The following ARHGAP32 variants were observed in gnomAD, a reference collection of about 807,000 sequenced individuals.
The protein encoded by ARHGAP32 is rho GTPase-activating protein 32.
In ARHGAP32, 51 loss-of-function variants were observed where a neutral mutation model predicts 186.5. The observed-to-expected ratio is 0.27, with a 90% CI of 0.22 to 0.35. The LOEUF (loss-of-function observed/expected upper bound fraction) is 0.35. Among genes scored for constraint, ARHGAP32 ranks in the 10% least tolerant of loss-of-function variants. The pLI, the probability that ARHGAP32 is intolerant of heterozygous loss-of-function variation, is 1.00. For synonymous variants in ARHGAP32, 950 were observed against 964.3 expected (o/e 0.99, Z 0.27); for missense variants, 2,186 against 2,623.5 (o/e 0.83, Z 3.64).
At position 128,968,391 on chromosome 11, in the gene ARHGAP32, C is replaced by T. The variant is rs1006118549; in HGVS notation, c.*516G>A. ...ATCAGGGATTTTTCCACGACTCTAA[C>T]TGAACACAAGATCCTTCTCAGACGG... On this transcript the variant is annotated 3_prime_UTR_variant, in exon 23 of 23. Transcript: ENST00000682385. 1.3e-5 allele frequency: 2 copies of T among 152,234 alleles called. No homozygotes were observed. Among genetic ancestry groups the T allele is most frequent in the South Asian group, 4.1e-4 (2 of 4,824 alleles). The allele number at this position is 152,234 out of a possible 1,614,324, so 9.4% of individuals were successfully genotyped here. A position where few individuals can be genotyped will look rare whatever the true frequency, so the allele number is the denominator to read the frequency against.
rs543783969 is a variant in ARHGAP32, at chr11:129,044,773, C to A, written c.964-3764G>T. 7.5e-4 allele frequency among the ~76,000 whole-genome samples: 114 copies of A among 152,230 alleles called. 3 individuals carry two copies. Among genetic ancestry groups the A allele is most frequent in the Admixed American group, 3.8e-3 (58 of 15,288 alleles). On this transcript the variant is annotated intron_variant, in intron 10 of 22. Transcript: ENST00000682385. ...AGGTTCTGTGATCTATGGCAAACTG[C>A]TTAACATCTCTGTCTTAGTTTCCTA...
chr11:129,221,634 G>A (rs1458897938), intron 1 of ARHGAP32, among the ~76,000 whole-genome samples: 1 of 151,322 alleles, frequency 6.6e-6, no homozygotes, highest in Admixed American at 6.6e-5. Flanking sequence ...ATCCTGCAAT[G>A]GTGAATACTG....
At chr11:129,024,894 T>C (rs1475600057) in intron 11 of ARHGAP32, among the ~76,000 whole-genome samples, 1 of 152,222 alleles carries the variant, frequency 6.6e-6, no homozygotes, top group African/African-American at 2.4e-5. Flanking sequence ...ATTAGTTATT[T>C]GCATAAATAC....
chr11:129,165,681 T>G (rs1943624446), intron 1 of ARHGAP32, among the ~76,000 whole-genome samples: 1 of 150,874 alleles, frequency 6.6e-6, no homozygotes, highest in African/African-American at 2.4e-5. Context: ...AGAAAGAGAC[T>G]TTAAAATGGC....
At chr11:129,049,331 T>C (rs1939943412) in intron 10 of ARHGAP32, among the ~76,000 whole-genome samples, 2 of 152,190 alleles carry the variant, frequency 1.3e-5, no homozygotes, top group African/African-American at 4.8e-5. Flanking sequence ...CTGGATTGGA[T>C]GCATGAACAA....
At chr11:129,113,059 A>G (rs1942271351) in intron 5 of ARHGAP32, among the ~76,000 whole-genome samples, 2 of 152,116 alleles carry the variant, frequency 1.3e-5, no homozygotes, top group South Asian at 4.1e-4. Flanking sequence ...CAAGCAATTT[A>G]CCTCTTATTA....
intron 2 of ARHGAP32, among the ~76,000 whole-genome samples, chr11:129,157,786 A>G (rs1003029303): frequency 8.5e-5 from 13 of 152,272 alleles, no homozygotes; most frequent in Non-Finnish European, 1.9e-4. Context: ...TGTCAGATAC[A>G]CCAAGGTTGA....
At chr11:129,155,914 C>T (rs1305570315) in intron 2 of ARHGAP32, among the ~76,000 whole-genome samples, 1 of 152,154 alleles carries the variant, frequency 6.6e-6, no homozygotes, top group African/African-American at 2.4e-5. Context: ...GTGAGTGCAG[C>T]CCATGGAAGG....
At chr11:129,115,553 T>C (rs1180759984) in intron 5 of ARHGAP32, among the ~76,000 whole-genome samples, 2 of 152,096 alleles carry the variant, frequency 1.3e-5, no homozygotes, top group African/African-American at 4.8e-5. Flanking sequence ...GAAGAATACA[T>C]GGAAAATGAG....
chr11:129,196,434 A>G (rs755693389), upstream of ARHGAP32, among the ~76,000 whole-genome samples: 6 of 152,228 alleles, frequency 3.9e-5, no homozygotes, highest in Non-Finnish European at 5.9e-5. Context: ...GATAGTTATT[A>G]TAAGTGATCT....
intron 1 of ARHGAP32, among the ~76,000 whole-genome samples, chr11:129,187,363 G>A (rs1224160382): frequency 6.6e-6 from 1 of 151,240 alleles, no homozygotes; most frequent in Non-Finnish European, 1.5e-5. Flanking sequence ...GTTACCAGAG[G>A]CTGGGAAGGG....
At chr11:129,137,412 T>C (rs564130648) in intron 2 of ARHGAP32, among the ~76,000 whole-genome samples, 1 of 151,844 alleles carries the variant, frequency 6.6e-6, no homozygotes, top group African/African-American at 2.4e-5. Flanking sequence ...GAAAGGGCAA[T>C]CCCTAAGATC....
At chr11:129,156,434 G>A (rs1316921834) in intron 2 of ARHGAP32, among the ~76,000 whole-genome samples, 1 of 152,168 alleles carries the variant, frequency 6.6e-6, no homozygotes, top group African/African-American at 2.4e-5. Flanking sequence ...ACCGAGGCTT[G>A]AACAGGCAAT....
intron 2 of ARHGAP32, among the ~76,000 whole-genome samples, chr11:129,133,618 C>T (rs1342133880): frequency 2.0e-5 from 3 of 152,152 alleles, no homozygotes; most frequent in Non-Finnish European, 4.4e-5. Context: ...AACGTCTATA[C>T]AATTCGGAAA....
chr11:129,049,795 T>C (rs549620647), intron 10 of ARHGAP32, among the ~76,000 whole-genome samples: 2 of 152,312 alleles, frequency 1.3e-5, no homozygotes, highest in East Asian at 3.9e-4. Flanking sequence ...GATATTAGGG[T>C]CGTTTCCAGT....
intron 8 of ARHGAP32, 102 bp from the exon 9 acceptor site, chr11:129,064,126 C>A (rs1940607541): frequency 2.9e-6 from 3 of 1,034,378 alleles, no homozygotes; most frequent in South Asian, 4.4e-5. Flanking sequence ...GATACAATAA[C>A]CCAAAGAGTC....
chr11:129,048,327 TAAG>T (rs1939896404), intron 10 of ARHGAP32, among the ~76,000 whole-genome samples: 1 of 152,064 alleles, frequency 6.6e-6, no homozygotes, highest in Non-Finnish European at 1.5e-5. Flanking sequence ...GAGTGTAGAA[TAAG>T]AAGGCAGTCC....
chr11:129,158,779 G>T (rs745866044), intron 2 of ARHGAP32, among the ~76,000 whole-genome samples: 1 of 151,990 alleles, frequency 6.6e-6, no homozygotes. Flanking sequence ...GCACCATATC[G>T]CATGTATTCT....
Position 129,124,776 on chromosome 11 carries a change from T to C in ARHGAP32, c.317+27A>G, listed in dbSNP as rs761502835. The C allele has an allele frequency of 9.3e-6, 14 of 1,499,460 alleles. 1 individual carries two copies. The South Asian group carries it at 1.2e-4, about 13-fold the overall frequency. 92.9% of individuals were successfully genotyped at this position (1,499,460 alleles called of 1,614,324 possible). A position where few individuals can be genotyped will look rare whatever the true frequency, so the allele number is the denominator to read the frequency against. ...TGATTTCCATTCGTAGGAATTCATTTAGAATCCACTGTAAAGTTATACTCA... is the reference window on the plus strand; with the variant it reads ...TGATTTCCATTCGTAGGAATTCATTCAGAATCCACTGTAAAGTTATACTCA... On this transcript the variant is annotated intron_variant, in intron 3 of 22. Transcript: ENST00000682385.
Sources: gnomAD v4.1 joint callset for allele counts (sites outside exome capture counted in the v4.1 genomes callset) on GRCh38, gnomAD v4.1.1 for gene constraint, MANE v1.5 for transcripts, NCBI Gene and HGNC (gene_info 2026-07-23, HGNC 2026-07-21) for gene names.